PTPRC: variants seen among roughly 807,000 people sequenced by gnomAD.
The protein encoded by PTPRC is receptor-type tyrosine-protein phosphatase C.
A neutral mutation model predicts 155.9 loss-of-function variants in PTPRC; 44 were observed. That is an observed-to-expected ratio of 0.28 (90% confidence interval 0.22 to 0.36). The LOEUF (loss-of-function observed/expected upper bound fraction) is 0.36. Among genes scored for constraint, PTPRC ranks in the 10% least tolerant of loss-of-function variants. PTPRC has a pLI of 1.00. For missense variants in PTPRC, 1,401 were observed against 1,564.6 expected, an observed-to-expected ratio of 0.90 and a Z score of 1.76; for synonymous variants, 525 against 533.1, an observed-to-expected ratio of 0.98 and a Z score of 0.21.
intron 4 of PTPRC, among the ~76,000 whole-genome samples, chr1:198,697,468 A>G (rs1204067785): frequency 6.6e-6 from 1 of 152,226 alleles, no homozygotes; most frequent in Admixed American, 6.5e-5. Flanking sequence ...TGTGAGTTCT[A>G]CTGGTAAATT....
intron 2 of PTPRC, among the ~76,000 whole-genome samples, chr1:198,688,422 T>C (rs1033431048): frequency 2.6e-5 from 4 of 152,202 alleles, no homozygotes; most frequent in Non-Finnish European, 4.4e-5. Flanking sequence ...AATGTATATG[T>C]ATGCCCATTA....
At chr1:198,723,296 G>C (rs555868409) in intron 15 of PTPRC, among the ~76,000 whole-genome samples, 16 of 152,058 alleles carry the variant, frequency 1.1e-4, no homozygotes, top group Middle Eastern at 3.4e-3. Context: ...GCAACTTCTA[G>C]GTCTTTCTAT....
At chr1:198,754,473 T>C (rs1571898413) in intron 32 of PTPRC, 69 bp downstream of exon 32, 2 of 1,557,044 alleles carry the variant, frequency 1.3e-6, no homozygotes, top group East Asian at 4.5e-5. Context: ...GTTTCCTTTT[T>C]TCTTTTCTCC....
chr1:198,650,073 G>T (rs934550785), intron 2 of PTPRC, among the ~76,000 whole-genome samples: 1 of 151,750 alleles, frequency 6.6e-6, no homozygotes, highest in African/African-American at 2.4e-5. Context: ...AAGGTTATCT[G>T]GCAAAACCAA....
intron 2 of PTPRC, among the ~76,000 whole-genome samples, chr1:198,682,629 G>A (rs1367480155): frequency 1.3e-5 from 2 of 152,156 alleles, no homozygotes; most frequent in African/African-American, 4.8e-5. Flanking sequence ...CTTTTACAAG[G>A]TATAGGTTGA....
At chr1:198,715,414 C>A (rs948597399) in intron 12 of PTPRC, among the ~76,000 whole-genome samples, 1 of 151,788 alleles carries the variant, frequency 6.6e-6, no homozygotes, top group Non-Finnish European at 1.5e-5. Context: ...TATTTTTCCT[C>A]ACATTTTTAG....
chr1:198,731,492 C>T (rs1346758650), intron 17 of PTPRC, 125 bp from the exon 18 acceptor site: 7 of 720,606 alleles, frequency 9.7e-6, no homozygotes, highest in Admixed American at 2.0e-5. Flanking sequence ...TGAGATTTCT[C>T]AGATGAAATG....
rs759082475 is a variant in PTPRC, at chr1:198,702,398, G to A, written c.451G>A (p.Glu151Lys). Reference protein sequence around the residue: ...GSNAISDVPGERSTASTFPTD... With the variant: ...GSNAISDVPGKRSTASTFPTD... ...CCTTCTGATTGCAGATGTCCCAGGA[G>A]AGAGGAGTACAGCCAGCACCTTTCC... The change falls in exon 6 of 33, where the codon GAG becomes AAG. Residue 151 changes from glutamate to lysine, a missense_variant. By Grantham distance (56) the Glu-to-Lys change is moderately conservative (BLOSUM62 1). Around this residue, in one of 3 missense-constraint regions of PTPRC, gnomAD observed 867 missense variants for 970.4 expected, o/e 0.89. Transcript: ENST00000442510. The A allele has an allele frequency of 1.2e-5, 20 of 1,614,078 alleles. No homozygotes were observed. In the South Asian group the frequency reaches 2.1e-4, roughly 17 times the overall value.
At chr1:198,644,180 T>C (rs1285112478) in intron 2 of PTPRC, among the ~76,000 whole-genome samples, 1 of 151,888 alleles carries the variant, frequency 6.6e-6, no homozygotes, top group African/African-American at 2.4e-5. Flanking sequence ...GGGAAACAAT[T>C]AGAATGGAAA....
At chr1:198,738,678 A>G (rs1654762163) in intron 23 of PTPRC, among the ~76,000 whole-genome samples, 1 of 151,782 alleles carries the variant, frequency 6.6e-6, no homozygotes, top group Admixed American at 6.6e-5. Flanking sequence ...TGAGTTTGGA[A>G]GAATTCCTTT....
At position 198,729,130 on chromosome 1, in the gene PTPRC, T is replaced by A; in HGVS notation, c.1830-7T>A. On this transcript the variant is annotated splice_polypyrimidine_tract_variant and splice_region_variant and intron_variant, in intron 16 of 32. Transcript: ENST00000442510. Reference sequence around the variant, plus strand: ...AATATAGAAACTTATTTTTCCTATTTTCACAGCAATTTAGATGAACAGCAG... The same window carrying A: ...AATATAGAAACTTATTTTTCCTATTATCACAGCAATTTAGATGAACAGCAG... 6.2e-7 allele frequency: 1 copy of A among 1,610,600 alleles called. No individual in the cohort carries two copies. Among genetic ancestry groups the A allele is most frequent in the Non-Finnish European group, 8.5e-7 (1 of 1,178,144 alleles).
At chr1:198,741,308 C>T (rs533035433) in intron 23 of PTPRC, among the ~76,000 whole-genome samples, 8 of 151,840 alleles carry the variant, frequency 5.3e-5, no homozygotes, top group South Asian at 2.1e-4. Context: ...TTTCCTCAGT[C>T]GTCTCTCTAC....
chr1:198,728,238 A>G, intron 15 of PTPRC, 102 bp from the exon 16 acceptor site: 1 of 865,776 alleles, frequency 1.2e-6, no homozygotes, highest in Non-Finnish European at 1.7e-6. Flanking sequence ...CTCACAATAA[A>G]TTTAAAAATA....
At chr1:198,709,864 C>G in intron 11 of PTPRC, 40 bp downstream of exon 11, 5 of 1,600,952 alleles carry the variant, frequency 3.1e-6, no homozygotes, top group East Asian at 2.2e-5. Context: ...AATTGCTTCT[C>G]TCTTCATGTT....
chr1:198,662,059 G>T (rs1663999087), intron 2 of PTPRC, among the ~76,000 whole-genome samples: 1 of 152,052 alleles, frequency 6.6e-6, no homozygotes, highest in East Asian at 1.9e-4. Context: ...ATGTCCAACT[G>T]GTCAGCCAGT....
Position 198,729,171 on chromosome 1 carries a change from G to C in PTPRC, c.1864G>C (p.Asp622His). Residue 622 changes from aspartate to histidine, a missense_variant and splice_region_variant, in exon 17 of 33, where the codon GAT (aspartate) becomes CAT (histidine). Asp to His is a moderately conservative substitution (Grantham distance 81). This residue lies in a region of PTPRC where 867 missense variants were observed against 970.4 expected (regional missense o/e 0.89). Coordinates refer to ENST00000442510, the MANE Select transcript of PTPRC (RefSeq NM_002838.5). The stretch of plus-strand genomic sequence containing the variant: ...TGAACAGCAGGAGCTTGTTGAAAGG[G>C]GTAAGTATGTATATTTTTGCTGATG... ...LDEQQELVER[D>H]DEKQLMNVEP... 4 of 1,608,508 alleles carry C rather than the reference G, an allele frequency of 2.5e-6. No homozygotes were observed. The highest frequency in any genetic ancestry group is 3.4e-6 in the Non-Finnish European group (4 of 1,177,080).
rs189315383 is a variant in PTPRC at position 198,747,247 on chromosome 1, C to T, written c.2848-862C>T. 2.5e-3 allele frequency among the ~76,000 whole-genome samples: 349 copies of T among 137,518 alleles called. 4 individuals carry two copies. The highest frequency in any genetic ancestry group is 0.011 in the Admixed American group (160 of 13,926). The allele number at this position is 137,518 out of a possible 152,430, so 90.2% of individuals were successfully genotyped here. A position where few individuals can be genotyped will look rare whatever the true frequency, so the allele number is the denominator to read the frequency against. On this transcript the variant is annotated intron_variant, in intron 26 of 32. Transcript: ENST00000442510. ...GCAACCAAAAGGGGAAAGGGTAGTT[C>T]AAGCAAGAAAAAAAAAAAAAAGTGT... is the stretch of plus-strand genomic sequence containing the variant.
intron 23 of PTPRC, among the ~76,000 whole-genome samples, chr1:198,738,162 T>A (rs2102502463): frequency 6.6e-6 from 1 of 151,934 alleles, no homozygotes; most frequent in African/African-American, 2.4e-5. Context: ...TTCTCTTGTC[T>A]GATGGCTCTA....
At chr1:198,737,507 TG>T (rs1271640197) in intron 23 of PTPRC, among the ~76,000 whole-genome samples, 5 of 151,608 alleles carry the variant, frequency 3.3e-5, no homozygotes, top group Non-Finnish European at 7.4e-5. Context: ...ACTGTAGAGT[TG>T]TTTCATTGCT....
Sources: allele counts gnomAD v4.1 joint callset (sites outside exome capture counted in the v4.1 genomes callset), GRCh38; gene constraint gnomAD v4.1.1; regional missense constraint gnomAD v4.1.1; transcripts MANE v1.5; gene names NCBI Gene and HGNC (gene_info 2026-07-23, HGNC 2026-07-21).